CSMD1: variants seen among roughly 807,000 people sequenced by gnomAD.
CSMD1 encodes CUB and Sushi multiple domains 1.
In CSMD1, 213 loss-of-function variants were observed where a neutral mutation model predicts 417.5. That is an observed-to-expected ratio of 0.51 (90% CI 0.46 to 0.57). CSMD1 has a LOEUF of 0.57. CSMD1 is among the 20% of genes least tolerant of loss of function. The pLI, the probability that CSMD1 is intolerant of heterozygous loss-of-function variation, is 0.00. For synonymous variants in CSMD1, 2,862 were observed against 1,736.8 expected (o/e 1.65, Z -16.11); for missense variants, 6,923 against 4,529.7 (o/e 1.53, Z -15.17).
chr8:3,425,285 G>C (rs73174817), intron 12 of CSMD1, among the ~76,000 whole-genome samples: 11,948 of 152,210 alleles, frequency 0.078, 633 homozygotes, highest in Non-Finnish European at 0.11. Flanking sequence ...GGAAACTCCT[G>C]TATGTTGAAA....
chr8:4,748,787 G>A (rs952636838), intron 1 of CSMD1, among the ~76,000 whole-genome samples: 7 of 152,202 alleles, frequency 4.6e-5, no homozygotes, highest in Admixed American at 3.3e-4. Flanking sequence ...TAGGTATTTA[G>A]TAGCGTGTTA....
At chr8:3,023,281 T>G (rs1809593358) in intron 51 of CSMD1, among the ~76,000 whole-genome samples, 1 of 152,170 alleles carries the variant, frequency 6.6e-6, no homozygotes, top group South Asian at 2.1e-4. Flanking sequence ...ATTACAAAAT[T>G]CCAGTGTAGC....
chr8:4,611,163 A>G (rs752200654), intron 2 of CSMD1, among the ~76,000 whole-genome samples: 1 of 152,188 alleles, frequency 6.6e-6, no homozygotes, highest in African/African-American at 2.4e-5. Context: ...AGACCTCTCT[A>G]TATGGGTTTA....
chr8:3,815,404 T>C (rs1349534745), intron 5 of CSMD1, among the ~76,000 whole-genome samples: 3 of 152,298 alleles, frequency 2.0e-5, no homozygotes, highest in East Asian at 1.9e-4. Context: ...CTGGAATGAA[T>C]TGAGATTAAT....
intron 3 of CSMD1, among the ~76,000 whole-genome samples, chr8:4,122,034 T>C (rs1031772182): frequency 2.6e-5 from 4 of 152,068 alleles, no homozygotes; most frequent in Non-Finnish European, 5.9e-5. Context: ...ATAAACTTTA[T>C]TGTATAACTA....
chr8:3,044,681 T>G (rs1051391982), intron 50 of CSMD1, among the ~76,000 whole-genome samples: 16 of 152,110 alleles, frequency 1.1e-4, no homozygotes, highest in African/African-American at 3.6e-4. Context: ...TCTGCACCAC[T>G]GCAAGAAGGC....
At chr8:3,583,093 G>C (rs1442536254) in intron 9 of CSMD1, among the ~76,000 whole-genome samples, 1 of 152,070 alleles carries the variant, frequency 6.6e-6, no homozygotes, top group Admixed American at 6.5e-5. Flanking sequence ...ACCTCTTCCT[G>C]GGGAGCCTGG....
At chr8:3,751,565 G>C (rs972867972) in intron 6 of CSMD1, among the ~76,000 whole-genome samples, 3 of 150,262 alleles carry the variant, frequency 2.0e-5, no homozygotes, top group Non-Finnish European at 4.4e-5. Context: ...CGTACGTACA[G>C]TTTAATTCTA....
intron 2 of CSMD1, among the ~76,000 whole-genome samples, chr8:4,593,621 T>C (rs1303499861): frequency 6.6e-6 from 1 of 152,166 alleles, no homozygotes; most frequent in Non-Finnish European, 1.5e-5. Context: ...ATTTTTATGA[T>C]TTTTGTGATC....
chr8:3,158,038 T>C (rs1819644448), intron 38 of CSMD1, 72 bp from the exon 39 acceptor site: 4 of 1,195,588 alleles, frequency 3.3e-6, no homozygotes, highest in South Asian at 1.4e-5. Flanking sequence ...TGTTTGAGAA[T>C]ATCTGCATTT....
intron 3 of CSMD1, among the ~76,000 whole-genome samples, chr8:4,227,786 C>CA (rs1362205996): frequency 2.7e-5 from 4 of 150,822 alleles, no homozygotes; most frequent in Non-Finnish European, 1.5e-5. Context: ...CCAGGAGACA[C>CA]ACCCTCCATC....
chr8:4,484,233 T>C (rs1801248776), intron 2 of CSMD1, among the ~76,000 whole-genome samples: 1 of 151,998 alleles, frequency 6.6e-6, no homozygotes, highest in African/African-American at 2.4e-5. Flanking sequence ...TTTCTGATTG[T>C]TTTCAAAAAT....
chr8:3,569,084 T>C (rs1349362379), intron 10 of CSMD1, among the ~76,000 whole-genome samples: 2 of 152,184 alleles, frequency 1.3e-5, no homozygotes, highest in Non-Finnish European at 2.9e-5. Context: ...TTACTTTGCA[T>C]TGACTTTCTA....
chr8:4,649,782 T>C (rs1197865127), intron 1 of CSMD1, among the ~76,000 whole-genome samples: 1 of 152,262 alleles, frequency 6.6e-6, no homozygotes, highest in Non-Finnish European at 1.5e-5. Context: ...CTAATAATGA[T>C]GTTTATCTTT....
intron 2 of CSMD1, among the ~76,000 whole-genome samples, chr8:4,562,831 T>A (rs955746930): frequency 1.3e-5 from 2 of 152,122 alleles, no homozygotes. Context: ...TATGTTAGAA[T>A]ATCAGGAAGA....
At chr8:4,436,160 G>C (rs962106583) in intron 2 of CSMD1, among the ~76,000 whole-genome samples, 2 of 152,148 alleles carry the variant, frequency 1.3e-5, no homozygotes, top group African/African-American at 2.4e-5. Context: ...TATTGAGAGA[G>C]TTAGATTTCA....
intron 3 of CSMD1, among the ~76,000 whole-genome samples, chr8:4,251,758 G>C (rs1017944234): frequency 1.8e-4 from 27 of 152,166 alleles, no homozygotes; most frequent in African/African-American, 6.3e-4. Context: ...TCACAAGTGT[G>C]TGTGAGAGTG....
At chr8:3,634,276 G>A (rs1740639085) in intron 7 of CSMD1, among the ~76,000 whole-genome samples, 1 of 152,188 alleles carries the variant, frequency 6.6e-6, no homozygotes, top group African/African-American at 2.4e-5. Context: ...ACATGGTATT[G>A]GAGCACCCCT....
intron 1 of CSMD1, among the ~76,000 whole-genome samples, chr8:4,867,691 C>G (rs901823294): frequency 6.6e-5 from 10 of 151,832 alleles, no homozygotes; most frequent in Non-Finnish European, 1.5e-4. Context: ...GTTTAGAATC[C>G]CTTGATTTGT....
Sources: allele counts gnomAD v4.1 joint callset (sites outside exome capture counted in the v4.1 genomes callset), GRCh38; gene constraint gnomAD v4.1.1; transcripts MANE v1.5; gene names NCBI Gene and HGNC (gene_info 2026-07-23, HGNC 2026-07-21).